Variants in NOMO2 observed in about 807,000 individuals in gnomAD.
NOMO2 encodes the protein BOS complex subunit NOMO2.
NOMO2 carries 14 observed loss-of-function variants against 67.1 expected under a neutral mutation model. That is an observed-to-expected ratio of 0.21 (90% CI 0.14 to 0.33). NOMO2 has a LOEUF of 0.33. Ranked by LOEUF, NOMO2 falls within the 10% of genes least tolerant of loss-of-function variation. The pLI is 1.00. For synonymous variants in NOMO2, 80 were observed against 305.9 expected, an observed-to-expected ratio of 0.26 and a Z score of 7.71; for missense variants, 178 against 761.0, an observed-to-expected ratio of 0.23 and a Z score of 9.01.
intron 2 of NOMO2, among the ~76,000 whole-genome samples, chr16:18,557,105 C>T (rs1391286805): frequency 3.3e-5 from 5 of 150,646 alleles, no homozygotes; most frequent in African/African-American, 7.3e-5. Context: ...CCAGCCTGGG[C>T]GACAGAGCGA....
chr16:18,562,064 C>T lies in NOMO2; in HGVS notation c.-24G>A. ...ATGGCCCGACCTCCCCCAGCTAGAC[C>T]CACCGCCGGCAGCCGGGTCCCGCCC... On this transcript the variant is annotated 5_prime_UTR_variant, in exon 1 of 31. Coordinates refer to ENST00000622306, the MANE Select transcript of NOMO2 (RefSeq NM_173614.4). 7.0e-7 allele frequency: 1 copy of T among 1,422,972 alleles called. No homozygotes were observed. The highest frequency in any genetic ancestry group is 9.1e-7 in the Non-Finnish European group (1 of 1,093,860). The allele number at this position is 1,422,972 out of a possible 1,614,324, so 88.1% of individuals were successfully genotyped here.
intron 5 of NOMO2, 95 bp downstream of exon 5, chr16:18,549,426 C>G: frequency 6.3e-7 from 1 of 1,578,542 alleles, no homozygotes; most frequent in South Asian, 1.1e-5. Context: ...GGATCTGAAC[C>G]CAGAACTCCC....
At position 18,549,570 on chromosome 16, in the gene NOMO2, T is replaced by G. The variant is rs1901733747; in HGVS notation, c.460A>C (p.Thr154Pro). Reference protein sequence around the residue: ...PAGVQVSLRNTGTEAKIQSTV... With the variant: ...PAGVQVSLRNPGTEAKIQSTV... ...GACTGGATCTTTGCTTCGGTCCCAGTGTTTCTCAGAGACACCTGAACTCCC... is the reference window on the plus strand; with the variant it reads ...GACTGGATCTTTGCTTCGGTCCCAGGGTTTCTCAGAGACACCTGAACTCCC... The change falls in exon 5 of 31, where the codon ACT (threonine) becomes CCT (proline). Residue 154 changes from threonine (T) to proline (P), a missense_variant. Transcript: ENST00000622306. The G allele has an allele frequency of 7.7e-7, 1 of 1,296,798 alleles. No individual in the cohort carries two copies. Among genetic ancestry groups the G allele is most frequent in the Non-Finnish European group, 1.1e-6 (1 of 929,710 alleles). 80.3% of individuals were successfully genotyped at this position (1,296,798 alleles called of 1,614,324 possible). A position where few individuals can be genotyped will look rare whatever the true frequency, so the allele number is the denominator to read the frequency against.
chr16:18,534,453 T>C (rs1212397041), intron 11 of NOMO2, among the ~76,000 whole-genome samples: 1 of 138,686 alleles, frequency 7.2e-6, no homozygotes, highest in Non-Finnish European at 1.6e-5. Context: ...CATTTACAAA[T>C]GTCTATCTCA....
intron 6 of NOMO2, among the ~76,000 whole-genome samples, chr16:18,544,550 G>A (rs1596855709): frequency 1.3e-5 from 2 of 151,862 alleles, no homozygotes; most frequent in Middle Eastern, 6.8e-3. Context: ...GTGCAAATAA[G>A]ACAAACGTCC....
intron 9 of NOMO2, among the ~76,000 whole-genome samples, chr16:18,540,648 A>T (rs1384976459): frequency 6.6e-6 from 1 of 151,312 alleles, no homozygotes; most frequent in African/African-American, 2.4e-5. Flanking sequence ...TCTGCACCCC[A>T]CTGTGCATAT....
At chr16:18,535,105 C>T (rs1371979375) in intron 11 of NOMO2, among the ~76,000 whole-genome samples, 2 of 119,666 alleles carry the variant, frequency 1.7e-5, no homozygotes, top group Non-Finnish European at 3.6e-5. Flanking sequence ...GAAGCCGAGG[C>T]GGGTGGGTCA....
chr16:18,546,653 A>G (rs1243730074), intron 6 of NOMO2, among the ~76,000 whole-genome samples: 1 of 7,362 alleles, frequency 1.4e-4, no homozygotes, highest in Non-Finnish European at 3.8e-4. Flanking sequence ...ATTTAAAATC[A>G]TATTTCCTTC....
intron 17 of NOMO2, among the ~76,000 whole-genome samples, 159 bp from the exon 18 acceptor site, chr16:18,524,098 GA>G (rs1901092416): frequency 1.4e-5 from 1 of 71,872 alleles, no homozygotes; most frequent in East Asian, 2.9e-4. Context: ...GTATTTTAAA[GA>G]GTAAACTAAT....
rs1442231060 is a variant in NOMO2, at chr16:18,536,960, G to T, written c.1220+1566C>A. Among the ~76,000 whole-genome samples the T allele has an allele frequency of 2.0e-5, 3 of 151,898 alleles. 1 individual carries two copies. Among genetic ancestry groups the T allele is most frequent in the African/African-American group, 7.2e-5 (3 of 41,388 alleles). ...TGTGTTCACCAGGGCCCAGCTCCCT[G>T]CACCTCCCTGTTGGGCCCTACCTCC... On this transcript the variant is annotated intron_variant, in intron 11 of 30. Coordinates refer to ENST00000622306, the MANE Select transcript of NOMO2 (RefSeq NM_173614.4).
At position 18,561,901 on chromosome 16, in the gene NOMO2, A is replaced by G; in HGVS notation, c.140T>C (p.Val47Ala). The change falls in exon 1 of 31, where the codon GTG becomes GCG. Residue 47 changes from valine to alanine, a missense_variant. Transcript: ENST00000622306. ...VGCGGFVKSD[V>A]EINYSLIEIK... ...CTCGATGAGCGAGTAGTTGATCTCC[A>G]CGTCCGACTTGACGAAGCCACCGCA... 6.4e-7 allele frequency: 1 copy of G among 1,570,500 alleles called. No individual in the cohort carries two copies. Among genetic ancestry groups the G allele is most frequent in the Non-Finnish European group, 8.6e-7 (1 of 1,160,468 alleles).
intron 5 of NOMO2, among the ~76,000 whole-genome samples, chr16:18,548,416 A>G (rs976338757): frequency 6.6e-6 from 1 of 151,434 alleles, no homozygotes; most frequent in South Asian, 2.1e-4. Context: ...ACTTACTGAC[A>G]GACTCATTAT....
chr16:18,529,393 A>G, intron 15 of NOMO2, 108 bp downstream of exon 15: 1 of 1,609,704 alleles, frequency 6.2e-7, no homozygotes. Context: ...GAGGCAGAAA[A>G]GGAAATCTGA....
At chr16:18,561,196 A>AAAAAAC (rs1902040830) in intron 1 of NOMO2, among the ~76,000 whole-genome samples, 1 of 46,180 alleles carries the variant, frequency 2.2e-5, no homozygotes, top group Admixed American at 2.5e-4. Context: ...AAAAAAAAAA[A>AAAAAAC]AAAAAAAAAA....
intron 1 of NOMO2, among the ~76,000 whole-genome samples, chr16:18,560,509 G>A (rs1290526954): frequency 6.6e-6 from 1 of 151,620 alleles, no homozygotes; most frequent in African/African-American, 2.4e-5. Flanking sequence ...CCCCAGTGCA[G>A]ACCTAGGAGG....
At position 18,562,013 on chromosome 16, in the gene NOMO2, G is replaced by A. The variant is rs374049343; in HGVS notation, c.28C>T (p.Leu10=). Residue 10 remains leucine (L), a synonymous_variant, in exon 1 of 31, where the codon CTG becomes TTG. Coordinates refer to ENST00000622306, the MANE Select transcript of NOMO2 (RefSeq NM_173614.4). Reference sequence around the variant, plus strand: ...GCGGCGGTGACCACCGCGGGCCCCAGCAGCCCCGCGCCCTGGCCCACCAGC... The same window carrying A: ...GCGGCGGTGACCACCGCGGGCCCCAACAGCCCCGCGCCCTGGCCCACCAGC... MLVGQGAGL[L]GPAVVTAAVV... The A allele has an allele frequency of 5.3e-4, 809 of 1,538,960 alleles. 41 individuals carry two copies. In the African/African-American group the frequency reaches 0.01, roughly 20 times the overall value.
At chr16:18,541,807 A>C (rs1303336512) in intron 9 of NOMO2, among the ~76,000 whole-genome samples, 1 of 138,750 alleles carries the variant, frequency 7.2e-6, no homozygotes, top group Non-Finnish European at 1.5e-5. Flanking sequence ...GTACCACTGC[A>C]CTCCAGCTTG....
At chr16:18,538,407 A>AT in intron 11 of NOMO2, 119 bp downstream of exon 11, 2 of 1,297,228 alleles carry the variant, frequency 1.5e-6, no homozygotes, top group Non-Finnish European at 2.1e-6. Context: ...AAAAAAAAAA[A>AT]GTACTAATCT....
chr16:18,547,608 T>C (rs1363610677), intron 5 of NOMO2, among the ~76,000 whole-genome samples: 1 of 151,972 alleles, frequency 6.6e-6, no homozygotes, highest in Non-Finnish European at 1.5e-5. Flanking sequence ...CAGGGACCAG[T>C]CACAGAACAT....
Sources: gnomAD v4.1 joint callset for allele counts (sites outside exome capture counted in the v4.1 genomes callset) on GRCh38, gnomAD v4.1.1 for gene constraint, MANE v1.5 for transcripts, NCBI Gene and HGNC (gene_info 2026-07-23, HGNC 2026-07-21) for gene names.